Variants in PCSK5 observed in about 807,000 individuals in gnomAD.
PCSK5 encodes the protein prohormone convertase 5.
A neutral mutation model predicts 233.2 loss-of-function variants in PCSK5; 129 were observed. The observed-to-expected ratio is 0.55, with a 90% confidence interval of 0.48 to 0.64. The LOEUF (loss-of-function observed/expected upper bound fraction) is 0.64. PCSK5 is among the 30% of genes least tolerant of loss of function. The pLI is 0.00. For missense variants in PCSK5, 2,076 were observed against 2,430.1 expected (o/e 0.85, Z 3.06); for synonymous variants, 825 against 879.2 (o/e 0.94, Z 1.09).
intron 10 of PCSK5, among the ~76,000 whole-genome samples, chr9:76,144,122 TA>T (rs769352822): frequency 1.3e-5 from 2 of 152,094 alleles, no homozygotes; most frequent in Non-Finnish European, 2.9e-5. Flanking sequence ...CCTTCCGAAG[TA>T]TTGTATTCAT....
intron 6 of PCSK5, among the ~76,000 whole-genome samples, chr9:76,068,635 A>G (rs1329762553): frequency 6.6e-6 from 1 of 152,214 alleles, no homozygotes; most frequent in Non-Finnish European, 1.5e-5. Context: ...TACACTTACT[A>G]TAAGGACCCA....
At chr9:76,202,667 C>T (rs1333897799) in intron 20 of PCSK5, among the ~76,000 whole-genome samples, 1 of 152,074 alleles carries the variant, frequency 6.6e-6, no homozygotes, top group South Asian at 2.1e-4. Flanking sequence ...TTATCTCACC[C>T]GAATCATCTA....
intron 2 of PCSK5, among the ~76,000 whole-genome samples, chr9:75,975,647 G>A (rs1825984746): frequency 2.6e-5 from 4 of 152,134 alleles, no homozygotes; most frequent in Non-Finnish European, 4.4e-5. Context: ...TTTAGGCACA[G>A]ATTTGTGGGA....
intron 7 of PCSK5, among the ~76,000 whole-genome samples, chr9:76,093,582 T>TATACATAC (rs375899150): frequency 6.7e-6 from 1 of 149,846 alleles, no homozygotes; most frequent in African/African-American, 2.5e-5. Context: ...TATATATATA[T>TATACATAC]ACACACACAC....
At chr9:75,928,381 G>T (rs2131271474) in intron 1 of PCSK5, among the ~76,000 whole-genome samples, 1 of 151,798 alleles carries the variant, frequency 6.6e-6, no homozygotes, top group East Asian at 1.9e-4. Flanking sequence ...GAAGCTAGAT[G>T]GAATGCCTGC....
intron 10 of PCSK5, among the ~76,000 whole-genome samples, chr9:76,149,190 C>G (rs1823567311): frequency 6.6e-6 from 1 of 152,160 alleles, no homozygotes; most frequent in East Asian, 1.9e-4. Flanking sequence ...GTGGCAGAAA[C>G]TGAGAAGGAT....
In PCSK5 at chr9:75,891,378, C is replaced by G. The variant is rs1825588146; in HGVS notation, c.192+5C>G. 3.2e-6 allele frequency: 5 copies of G among 1,545,788 alleles called. No homozygotes were observed. The highest frequency in any genetic ancestry group is 4.2e-5 in the Admixed American group (2 of 47,324). On this transcript the variant is annotated splice_donor_5th_base_variant and intron_variant, in intron 1 of 37. Coordinates refer to ENST00000674117, the MANE Select transcript of PCSK5 (RefSeq NM_001372043.1). ...GGATTCATCAACATAGGACAGGTAA[C>G]GAACTACAGGCTAGCCCAGCCCTCG...
intron 20 of PCSK5, among the ~76,000 whole-genome samples, chr9:76,196,803 A>G (rs1285303418): frequency 6.6e-6 from 1 of 152,210 alleles, no homozygotes; most frequent in Non-Finnish European, 1.5e-5. Context: ...TCCTCCATTT[A>G]CACATGAGAA....
chr9:76,134,075 TTG>T, intron 9 of PCSK5, 32 bp from the exon 10 acceptor site: 1 of 1,333,360 alleles, frequency 7.5e-7, no homozygotes, highest in Non-Finnish European at 1.1e-6. Flanking sequence ...TTTTTTTTTT[TTG>T]GTACAATGAT....
At chr9:76,290,293 G>A (rs1025494874) in intron 24 of PCSK5, among the ~76,000 whole-genome samples, 1 of 152,108 alleles carries the variant, frequency 6.6e-6, no homozygotes, top group Admixed American at 6.5e-5. Context: ...CCTATGAATT[G>A]GTCTTTCCCA....
At chr9:76,248,686 GTTA>G (rs1826696841) in intron 24 of PCSK5, among the ~76,000 whole-genome samples, 1 of 152,178 alleles carries the variant, frequency 6.6e-6, no homozygotes, top group African/African-American at 2.4e-5. Context: ...ACTTAAACAA[GTTA>G]TTATACATAA....
At chr9:75,990,010 T>C (rs139115687) in intron 3 of PCSK5, among the ~76,000 whole-genome samples, 252 of 152,252 alleles carry the variant, frequency 1.7e-3, no homozygotes, top group African/African-American at 5.7e-3. Flanking sequence ...CAATCATAAT[T>C]GTTGTTATTC....
chr9:76,164,179 A>G lies in PCSK5; in HGVS notation c.1619+5008A>G, dbSNP rs1228123766. Among the ~76,000 whole-genome samples, 3 of 152,346 alleles carry G rather than the reference A, an allele frequency of 2.0e-5. No individual in the cohort carries two copies. In the East Asian group the frequency reaches 5.8e-4, roughly 29 times the overall value. ...ATTGACATTTGTAAGGCATCATGGT[A>G]TATAAATGCATCTGTGGGTTGCAGT... is the stretch of plus-strand genomic sequence containing the variant. On this transcript the variant is annotated intron_variant, in intron 12 of 37. Coordinates refer to ENST00000674117, the MANE Select transcript of PCSK5 (RefSeq NM_001372043.1).
intron 24 of PCSK5, among the ~76,000 whole-genome samples, chr9:76,266,823 C>G (rs1827347118): frequency 6.6e-6 from 1 of 152,176 alleles, no homozygotes; most frequent in Admixed American, 6.6e-5. Context: ...TGAGCATTGT[C>G]ATCCATGTAA....
chr9:76,255,548 C>T lies in PCSK5; in HGVS notation c.3142+14864C>T, dbSNP rs187130332. 4.0e-3 allele frequency among the ~76,000 whole-genome samples: 603 copies of T among 152,298 alleles called. 4 individuals are homozygous for T. Among genetic ancestry groups the T allele is most frequent in the African/African-American group, 0.014 (571 of 41,572 alleles). On this transcript the variant is annotated intron_variant, in intron 24 of 37. Transcript: ENST00000674117. ...CAAAATCCTTATGATAGGCTAGGCT[C>T]AGTGGCTTACACCTGTAATCCTAGC...
At chr9:76,261,084 A>C (rs1044959868) in intron 24 of PCSK5, among the ~76,000 whole-genome samples, 1 of 152,180 alleles carries the variant, frequency 6.6e-6, no homozygotes, top group Non-Finnish European at 1.5e-5. Context: ...GTTGTGCTGG[A>C]TAGCAATTAG....
At chr9:76,021,961 G>T (rs926840276) in intron 3 of PCSK5, among the ~76,000 whole-genome samples, 6 of 152,164 alleles carry the variant, frequency 3.9e-5, no homozygotes, top group Admixed American at 2.0e-4. Flanking sequence ...TCTTTGATAC[G>T]CTGAACTCTT....
At chr9:75,963,077 A>G (rs1825424482) in intron 2 of PCSK5, among the ~76,000 whole-genome samples, 1 of 152,140 alleles carries the variant, frequency 6.6e-6, no homozygotes, top group South Asian at 2.1e-4. Context: ...AATTATAGCT[A>G]TTATTCTTAT....
intron 3 of PCSK5, among the ~76,000 whole-genome samples, chr9:76,012,398 A>G (rs1266353207): frequency 6.6e-6 from 1 of 152,234 alleles, no homozygotes; most frequent in African/African-American, 2.4e-5. Context: ...CTTTATCCCC[A>G]GTGGACATCT....
Sources: allele counts gnomAD v4.1 joint callset (sites outside exome capture counted in the v4.1 genomes callset), GRCh38; gene constraint gnomAD v4.1.1; transcripts MANE v1.5; gene names NCBI Gene and HGNC (gene_info 2026-07-23, HGNC 2026-07-21).